ZFHX3: variants seen among roughly 807,000 people sequenced by gnomAD.
ZFHX3 encodes zinc finger homeobox protein 3.
A neutral mutation model predicts 279.1 loss-of-function variants in ZFHX3; 42 were observed. The ratio of observed to expected loss-of-function variants is 0.15; its 90% CI spans 0.12 to 0.19. The LOEUF (loss-of-function observed/expected upper bound fraction) is 0.19. ZFHX3 is among the 10% of genes least tolerant of loss of function. ZFHX3 has a pLI of 1.00. For synonymous variants in ZFHX3, 2,293 were observed against 1,957.8 expected (o/e 1.17, Z -4.52); for missense variants, 4,981 against 4,754.0 (o/e 1.05, Z -1.40).
chr16:73,795,485 A>G (rs567303623), intron 1 of ZFHX3, among the ~76,000 whole-genome samples: 2 of 152,322 alleles, frequency 1.3e-5, no homozygotes, highest in South Asian at 2.1e-4. Flanking sequence ...ATGAGAGATG[A>G]CAAGAACAGA....
At chr16:73,438,470 A>G (rs2018032787) in intron 3 of ZFHX3, among the ~76,000 whole-genome samples, 1 of 152,254 alleles carries the variant, frequency 6.6e-6, no homozygotes, top group Non-Finnish European at 1.5e-5. Flanking sequence ...AGCAAGTTAC[A>G]AAACACACAT....
Position 73,129,113 on chromosome 16 carries a change from C to T in ZFHX3, c.-897+1855G>A, listed in dbSNP as rs1448411691. ...TTAAAGAGTTGAAGTGGGCCTGGTG[C>T]GGAGGGGCACACCTGTAATTCCAGC... On this transcript the variant is annotated intron_variant, in intron 7 of 17. Coordinates refer to the ZFHX3 transcript ENST00000641206. Among the ~76,000 whole-genome samples the T allele has an allele frequency of 4.6e-5, 7 of 152,006 alleles. No homozygotes were observed. In the South Asian group the frequency reaches 6.2e-4, roughly 13 times the overall value.
intron 2 of ZFHX3, among the ~76,000 whole-genome samples, chr16:73,651,366 G>A (rs1207696965): frequency 6.6e-6 from 1 of 151,898 alleles, no homozygotes; most frequent in Non-Finnish European, 1.5e-5. Context: ...AAGAGAAAAT[G>A]AGTGTTTTCT....
In ZFHX3 at chr16:73,813,229, T is replaced by TTCTC. The variant is rs3082305; in HGVS notation, c.-1608+78418_-1608+78421dup. 4.3e-4 allele frequency among the ~76,000 whole-genome samples: 64 copies of TTCTC among 147,736 alleles called. No individual in the cohort carries two copies. In the East Asian group the frequency reaches 5.2e-3, roughly 12 times the overall value. The stretch of plus-strand genomic sequence containing the variant: ...CTGTATCATCCCTACCTCTTTCTCT[T>TTCTC]TCTCTCTCTCTCTCTCTCTCTCTCT... On this transcript the variant is annotated intron_variant, in intron 1 of 17. Coordinates refer to the ZFHX3 transcript ENST00000641206.
At chr16:73,156,421 G>C (rs1967087124) in intron 5 of ZFHX3, among the ~76,000 whole-genome samples, 1 of 152,070 alleles carries the variant, frequency 6.6e-6, no homozygotes, top group African/African-American at 2.4e-5. Flanking sequence ...AGATTGCAAA[G>C]CAGACTGAAA....
At chr16:73,389,589 C>T (rs1262428634) in intron 3 of ZFHX3, among the ~76,000 whole-genome samples, 2 of 152,222 alleles carry the variant, frequency 1.3e-5, no homozygotes, top group Non-Finnish European at 2.9e-5. Flanking sequence ...TCTCATCTCT[C>T]TTGATGGTTC....
At chr16:73,794,458 T>C (rs737672) in intron 1 of ZFHX3, 82,447 of 152,110 alleles carry the variant, frequency 0.54, 24,304 homozygotes, top group African/African-American at 0.79. Context: ...TAATGAGATG[T>C]CTAATAAGAA....
At chr16:73,493,645 C>A (rs780322781) in intron 2 of ZFHX3, among the ~76,000 whole-genome samples, 1 of 152,164 alleles carries the variant, frequency 6.6e-6, no homozygotes, top group Non-Finnish European at 1.5e-5. Flanking sequence ...GCAGAGCAGT[C>A]CTGAGCTCCT....
At chr16:73,803,214 G>C (rs527777011) in intron 1 of ZFHX3, among the ~76,000 whole-genome samples, 53 of 152,278 alleles carry the variant, frequency 3.5e-4, no homozygotes, top group African/African-American at 1.2e-3. Context: ...AATGCAAATA[G>C]TCAAGAAATG....
chr16:72,895,140 AGCACACACAT>A, intron 3 of ZFHX3, among the ~76,000 whole-genome samples: 1 of 152,302 alleles, frequency 6.6e-6, no homozygotes, highest in South Asian at 2.1e-4. Flanking sequence ...CACACATGTG[AGCACACACAT>A]GCACACACAC....
At chr16:73,659,093 C>T (rs7192182) in intron 2 of ZFHX3, among the ~76,000 whole-genome samples, 145,018 of 152,234 alleles carry the variant, frequency 0.95, 69,170 homozygotes, top group East Asian at 1. Context: ...TGGTTGGATT[C>T]CATTCTTGCT....
In ZFHX3 at chr16:73,254,983, G is replaced by C. The variant is rs575352368; in HGVS notation, c.-1104+2064C>G. Reference sequence around the variant, plus strand: ...TCCATGTTTGCTAAGCCTTTCCCTAGTGTCAGGAACTATGCACTTTCTATT... The same window carrying C: ...TCCATGTTTGCTAAGCCTTTCCCTACTGTCAGGAACTATGCACTTTCTATT... On this transcript the variant is annotated intron_variant, in intron 5 of 17. Transcript: ENST00000641206. Among the ~76,000 whole-genome samples the C allele has an allele frequency of 6.0e-5, 9 of 150,220 alleles. No individual in the cohort carries two copies. The South Asian group carries it at 1.9e-3, about 31-fold the overall frequency.
At chr16:73,874,618 T>A (rs1338309194) in intron 1 of ZFHX3, among the ~76,000 whole-genome samples, 1 of 152,222 alleles carries the variant, frequency 6.6e-6, no homozygotes, top group Non-Finnish European at 1.5e-5. Context: ...TCAATAAATA[T>A]GTAACACCCT....
intron 3 of ZFHX3, among the ~76,000 whole-genome samples, chr16:73,369,097 T>G (rs765522906): frequency 3.9e-5 from 6 of 152,226 alleles, no homozygotes; most frequent in Admixed American, 3.3e-4. Context: ...CAGAACACAG[T>G]GCTCAGTAAA....
intron 4 of ZFHX3, among the ~76,000 whole-genome samples, chr16:73,310,636 G>A (rs771995275): frequency 2.0e-5 from 3 of 152,150 alleles, no homozygotes; most frequent in Admixed American, 6.5e-5. Context: ...TCACAACAAC[G>A]AATTATCCAG....
chr16:73,079,683 A>G (rs529931591), intron 8 of ZFHX3, among the ~76,000 whole-genome samples: 2 of 152,066 alleles, frequency 1.3e-5, no homozygotes, highest in South Asian at 4.2e-4. Context: ...CACATGCTGT[A>G]TTCTCTCCAA....
At chr16:73,823,312 G>A (rs748817711) in intron 1 of ZFHX3, among the ~76,000 whole-genome samples, 21 of 152,066 alleles carry the variant, frequency 1.4e-4, no homozygotes, top group Non-Finnish European at 2.2e-4. Context: ...AGGCCACAGT[G>A]GAGGGAAAAA....
intron 1 of ZFHX3, among the ~76,000 whole-genome samples, chr16:73,020,987 A>C (rs1964277953): frequency 6.6e-6 from 1 of 152,172 alleles, no homozygotes; most frequent in Non-Finnish European, 1.5e-5. Flanking sequence ...CCCACTCTGC[A>C]TACCGTATAG....
chr16:72,867,535 T>C (rs772653288), intron 4 of ZFHX3, among the ~76,000 whole-genome samples: 3 of 152,186 alleles, frequency 2.0e-5, no homozygotes, highest in Non-Finnish European at 4.4e-5. Flanking sequence ...ATGCTAACGT[T>C]AATACCCTCA....
Sources: allele counts gnomAD v4.1 joint callset (sites outside exome capture counted in the v4.1 genomes callset), GRCh38; gene constraint gnomAD v4.1.1; transcripts MANE v1.5; gene names NCBI Gene and HGNC (gene_info 2026-07-23, HGNC 2026-07-21).